The following NCALD variants were observed in gnomAD, a reference collection of about 807,000 sequenced individuals.
The protein encoded by NCALD is neurocalcin-delta.
NCALD carries 10 observed loss-of-function variants against 18.6 expected under a neutral mutation model. That is an observed-to-expected ratio of 0.54 (90% CI 0.33 to 0.91). The LOEUF is 0.91. Ranked by LOEUF, NCALD falls within the 40% of genes least tolerant of loss-of-function variation. The pLI, the probability that NCALD is intolerant of heterozygous loss-of-function variation, is 0.03. For missense variants in NCALD, 184 were observed against 247.6 expected (o/e 0.74, Z 1.72); for synonymous variants, 88 against 87.4 (o/e 1.01, Z -0.04).
intron 1 of NCALD, among the ~76,000 whole-genome samples, chr8:102,086,184 C>T (rs1462409861): frequency 6.6e-6 from 1 of 152,178 alleles, no homozygotes; most frequent in African/African-American, 2.4e-5. Flanking sequence ...GAGCATTGCT[C>T]ATCTGAGTGC....
chr8:102,000,478 G>A (rs1013588548), intron 2 of NCALD, among the ~76,000 whole-genome samples: 5 of 152,322 alleles, frequency 3.3e-5, no homozygotes, highest in South Asian at 2.1e-4. Flanking sequence ...ACAAAAGGCA[G>A]CAGAAACCTC....
intron 1 of NCALD, among the ~76,000 whole-genome samples, chr8:101,772,113 T>C (rs1352122979): frequency 6.6e-6 from 1 of 152,124 alleles, no homozygotes; most frequent in African/African-American, 2.4e-5. Flanking sequence ...AGCTTTGAGT[T>C]GAAATGGCAA....
At chr8:101,759,797 C>T (rs755610972) in intron 1 of NCALD, among the ~76,000 whole-genome samples, 4 of 152,110 alleles carry the variant, frequency 2.6e-5, no homozygotes, top group Admixed American at 6.6e-5. Flanking sequence ...CAAAACTTGA[C>T]GAGAGTAGTA....
At chr8:102,082,575 G>A (rs16869062) in intron 1 of NCALD, among the ~76,000 whole-genome samples, 13,659 of 152,000 alleles carry the variant, frequency 0.09, 1,652 homozygotes, top group African/African-American at 0.28. Flanking sequence ...ATCCACAAAT[G>A]CCCCACATAG....
intron 3 of NCALD, among the ~76,000 whole-genome samples, chr8:101,912,244 A>G (rs1817826601): frequency 6.6e-6 from 1 of 152,218 alleles, no homozygotes; most frequent in Non-Finnish European, 1.5e-5. Context: ...GAATTTTAAA[A>G]CACAAGCATT....
chr8:101,769,684 C>T (rs1014508933), intron 1 of NCALD, among the ~76,000 whole-genome samples: 1 of 151,898 alleles, frequency 6.6e-6, no homozygotes, highest in Admixed American at 6.6e-5. Flanking sequence ...CCTGCAACGG[C>T]ATCTTTCACC....
Position 101,715,158 on chromosome 8 carries a change from C to G in NCALD, c.378+4094G>C, listed in dbSNP as rs570610580. On this transcript the variant is annotated intron_variant, in intron 2 of 3. Coordinates refer to ENST00000220931, the MANE Select transcript of NCALD (RefSeq NM_032041.3). ...ATAGACCAATGGAACAGAACAGAGG[C>G]CTCAAAAATAACACCACACATCTAC... Among the ~76,000 whole-genome samples the G allele has an allele frequency of 1.1e-4, 17 of 152,142 alleles. No individual in the cohort carries two copies. In the East Asian group the frequency reaches 3.1e-3, roughly 28 times the overall value.
chr8:102,029,544 T>C (rs374089855), intron 1 of NCALD, among the ~76,000 whole-genome samples: 14 of 152,320 alleles, frequency 9.2e-5, no homozygotes, highest in African/African-American at 2.9e-4. Context: ...TATTCTTTCT[T>C]GTGGGTGATT....
intron 2 of NCALD, among the ~76,000 whole-genome samples, chr8:101,925,812 T>C (rs960549361): frequency 6.6e-6 from 1 of 152,156 alleles, no homozygotes; most frequent in African/African-American, 2.4e-5. Flanking sequence ...ATCAACATTA[T>C]AGACATCATT....
Position 102,034,377 on chromosome 8 carries a change from T to G in NCALD, c.-209-14088A>C, listed in dbSNP as rs371998994. On this transcript the variant is annotated intron_variant, in intron 1 of 6. Transcript: ENST00000311028. ...ATGCCTTCATTTGTGCAAGGGATAA[T>G]TGCATCAACAGAAGCATTATAATGT... is the stretch of plus-strand genomic sequence containing the variant. 1.7e-4 allele frequency among the ~76,000 whole-genome samples: 26 copies of G among 152,332 alleles called. 1 individual carries two copies. In the East Asian group the frequency reaches 4.4e-3, roughly 26 times the overall value.
intron 1 of NCALD, among the ~76,000 whole-genome samples, chr8:101,786,996 T>G (rs1311651484): frequency 6.6e-6 from 1 of 152,180 alleles, no homozygotes; most frequent in Non-Finnish European, 1.5e-5. Flanking sequence ...TCCAGTGAAT[T>G]TCAATATTTA....
At chr8:101,857,597 G>T (rs73696523) in intron 4 of NCALD, among the ~76,000 whole-genome samples, 2,386 of 152,288 alleles carry the variant, frequency 0.016, 72 homozygotes, top group African/African-American at 0.052. Flanking sequence ...AGAAGGCAGA[G>T]ATTTGCATGC....
intron 2 of NCALD, among the ~76,000 whole-genome samples, chr8:102,008,579 A>G (rs1359195852): frequency 6.6e-6 from 1 of 152,120 alleles, no homozygotes; most frequent in African/African-American, 2.4e-5. Flanking sequence ...TCCTTATACC[A>G]GAAGGAAAGC....
chr8:102,067,730 G>C (rs1178469548), intron 1 of NCALD, among the ~76,000 whole-genome samples: 1 of 152,136 alleles, frequency 6.6e-6, no homozygotes, highest in African/African-American at 2.4e-5. Context: ...TATTATTGCA[G>C]TAACACACCT....
rs183203803 is a variant in NCALD at position 102,120,166 on chromosome 8, A to G, written c.-210+4071T>C. ...GCTTCTAACGCTGTTTCTCTTATCTATGAAGAGGGAATGCTAACAGTCCTA... is the reference window on the plus strand; with the variant it reads ...GCTTCTAACGCTGTTTCTCTTATCTGTGAAGAGGGAATGCTAACAGTCCTA... On this transcript the variant is annotated intron_variant, in intron 1 of 6. Coordinates refer to the NCALD transcript ENST00000311028. Among the ~76,000 whole-genome samples the G allele has an allele frequency of 1.4e-3, 213 of 152,280 alleles. 2 individuals are homozygous for G. Among genetic ancestry groups the G allele is most frequent in the African/African-American group, 4.9e-3 (204 of 41,550 alleles).
chr8:102,000,627 A>T (rs779251749), intron 2 of NCALD, among the ~76,000 whole-genome samples: 10 of 152,218 alleles, frequency 6.6e-5, no homozygotes, highest in Non-Finnish European at 1.5e-4. Context: ...GGCATCCCCC[A>T]GTAGGAGCAG....
intron 4 of NCALD, among the ~76,000 whole-genome samples, chr8:101,819,913 C>T (rs1423878841): frequency 1.3e-5 from 2 of 152,146 alleles, no homozygotes; most frequent in Non-Finnish European, 2.9e-5. Context: ...GGGGCTGAGG[C>T]CCTGTCACCT....
intron 1 of NCALD, among the ~76,000 whole-genome samples, chr8:102,055,274 A>C (rs1244479133): frequency 1.3e-5 from 2 of 151,172 alleles, no homozygotes; most frequent in Admixed American, 6.6e-5. Context: ...AAAGAAGAAG[A>C]AGCCGGTGGG....
chr8:102,054,000 T>C (rs1196048689), intron 1 of NCALD, among the ~76,000 whole-genome samples: 5 of 152,220 alleles, frequency 3.3e-5, no homozygotes, highest in African/African-American at 4.8e-5. Flanking sequence ...CTTACACAGT[T>C]TGAAATCTTT....
Sources: allele counts gnomAD v4.1 joint callset (sites outside exome capture counted in the v4.1 genomes callset), GRCh38; gene constraint gnomAD v4.1.1; transcripts MANE v1.5; gene names NCBI Gene and HGNC (gene_info 2026-07-23, HGNC 2026-07-21).